The following DYDC2 variants were observed in gnomAD, a reference collection of about 807,000 sequenced individuals.
The protein encoded by DYDC2 is DPY30 domain-containing protein 2.
DYDC2 carries 19 observed loss-of-function variants against 18.7 expected under a neutral mutation model. That is an observed-to-expected ratio of 1.02 (90% CI 0.71 to 1.49). The LOEUF (loss-of-function observed/expected upper bound fraction) is 1.49, where lower values mean the gene tolerates loss of function less well. Ranked by LOEUF, DYDC2 falls within the 40% of genes most tolerant of loss-of-function variation. The pLI is 0.00. For synonymous variants in DYDC2, 63 were observed against 67.6 expected (o/e 0.93, Z 0.34); for missense variants, 179 against 205.1 (o/e 0.87, Z 0.78).
At chr10:80,345,134 T>G (rs7082102) in intron 1 of DYDC2, among the ~76,000 whole-genome samples, 119,217 of 152,088 alleles carry the variant, frequency 0.78, 47,698 homozygotes, top group East Asian at 0.97. Context: ...TTGAATCTAT[T>G]ATGTGTTATT....
chr10:80,346,444 CTTTTTT>C (rs1032729095), intron 1 of DYDC2, among the ~76,000 whole-genome samples: 5,265 of 83,058 alleles, frequency 0.063, 34 homozygotes, highest in Middle Eastern at 0.12. Context: ...TCTTCCCTTT[CTTTTTT>C]TTTTTTTTTT....
Position 80,362,987 on chromosome 10 carries a change from G to A in DYDC2, c.184G>A (p.Asp62Asn). Residue 62 changes from aspartate (D) to asparagine (N), a missense_variant, in exon 4 of 5, where the codon GAC becomes AAC. Asp to Asn is a conservative substitution (Grantham distance 23). Transcript: ENST00000256039. ...GAAGATCCACCTGCAGGAGGAATAT[G>A]ACAGTAGCCTCAAGGAAATGGAAAT... The part of the protein sequence containing the change: ...EKKIHLQEEY[D>N]SSLKEMEMTE... The A allele has an allele frequency of 6.2e-7, 1 of 1,614,026 alleles. No individual in the cohort carries two copies. The highest frequency in any genetic ancestry group is 1.7e-5 in the Admixed American group (1 of 60,006).
intron 1 of DYDC2, among the ~76,000 whole-genome samples, chr10:80,357,681 C>T (rs74145443): frequency 0.025 from 3,845 of 152,250 alleles, 176 homozygotes; most frequent in African/African-American, 0.086. Context: ...AGGCCCAAAC[C>T]CTTGCAGTCT....
At chr10:80,364,239 C>T (rs1843756970) in intron 4 of DYDC2, among the ~76,000 whole-genome samples, 1 of 151,946 alleles carries the variant, frequency 6.6e-6, no homozygotes, top group African/African-American at 2.4e-5. Context: ...TTTTTTAAGC[C>T]TGGATGTCTT....
chr10:80,366,637 T>C (rs746219261), intron 4 of DYDC2, 51 bp from the exon 5 acceptor site: 1 of 1,539,338 alleles, frequency 6.5e-7, no homozygotes, highest in Non-Finnish European at 8.7e-7. Flanking sequence ...ATACATCTTG[T>C]GTGCTTTAGT....
chr10:80,367,009 G>A lies in DYDC2; in HGVS notation c.*58G>A. ...TCTCAAAGCTAGAAGCCAAGAAAATGGCCAGCTAGAACCAAGATTTAAGGG... is the reference window on the plus strand; with the variant it reads ...TCTCAAAGCTAGAAGCCAAGAAAATAGCCAGCTAGAACCAAGATTTAAGGG... On this transcript the variant is annotated 3_prime_UTR_variant, in exon 5 of 5. Transcript: ENST00000256039. 6.5e-7 allele frequency: 1 copy of A among 1,547,396 alleles called. No homozygotes were observed. The highest frequency in any genetic ancestry group is 1.3e-5 in the South Asian group (1 of 77,860).
intron 2 of DYDC2, among the ~76,000 whole-genome samples, chr10:80,360,451 T>C (rs1435554598): frequency 6.6e-6 from 1 of 152,194 alleles, no homozygotes; most frequent in African/African-American, 2.4e-5. Context: ...CACCTGTGAT[T>C]ACATTGTTCC....
intron 1 of DYDC2, among the ~76,000 whole-genome samples, chr10:80,350,695 G>A (rs1207024030): frequency 6.6e-6 from 1 of 152,132 alleles, no homozygotes; most frequent in Non-Finnish European, 1.5e-5. Flanking sequence ...CAAATAATAG[G>A]CTTCTTTCCC....
chr10:80,354,667 C>T (rs768804222), upstream of DYDC2, among the ~76,000 whole-genome samples: 1 of 152,066 alleles, frequency 6.6e-6, no homozygotes, highest in African/African-American at 2.4e-5. Context: ...TAGTGTGGAG[C>T]CGTCATGCAT....
At chr10:80,355,103 AAAAACAGT>A (rs1349494029), upstream of DYDC2, among the ~76,000 whole-genome samples, 1 of 151,786 alleles carries the variant, frequency 6.6e-6, no homozygotes. Flanking sequence ...ACTGAAAAAA[AAAAACAGT>A]AAAATTAACA....
intron 2 of DYDC2, among the ~76,000 whole-genome samples, chr10:80,359,627 C>G (rs578155593): frequency 1.3e-5 from 2 of 152,252 alleles, no homozygotes; most frequent in South Asian, 2.1e-4. Flanking sequence ...GCTGCATGTC[C>G]GGAGCCCCGT....
intron 4 of DYDC2, among the ~76,000 whole-genome samples, chr10:80,363,485 C>T (rs1265594858): frequency 6.7e-6 from 1 of 149,314 alleles, no homozygotes; most frequent in Non-Finnish European, 1.5e-5. Context: ...TCTGGGACTA[C>T]AGGCACATGC....
At chr10:80,350,766 T>C (rs543235960) in intron 1 of DYDC2, among the ~76,000 whole-genome samples, 6 of 152,226 alleles carry the variant, frequency 3.9e-5, no homozygotes, top group Admixed American at 3.3e-4. Context: ...GGTAGAACTA[T>C]GGAAGTGGCT....
At chr10:80,363,129 G>A (rs1054721554) in intron 4 of DYDC2, 56 bp downstream of exon 4, 3 of 1,565,162 alleles carry the variant, frequency 1.9e-6, no homozygotes, top group African/African-American at 2.9e-5. Context: ...ATGGACTCCA[G>A]GAAAGCCACA....
At chr10:80,351,792 G>A (rs1564666260), upstream of DYDC2, 9 of 927,958 alleles carry the variant, frequency 9.7e-6, no homozygotes, top group African/African-American at 1.7e-5. Flanking sequence ...ATATTAGGAA[G>A]CCATATCTAA....
At position 80,357,887 on chromosome 10, in the gene DYDC2, T is replaced by A; in HGVS notation, c.-162-6T>A. ...TCTCAATGAATAAGTCAAGAAATAT[T>A]TACAGAGCTCCCAGTGTGCCAAGCG... On this transcript the variant is annotated splice_polypyrimidine_tract_variant and splice_region_variant and intron_variant, in intron 1 of 4. Transcript: ENST00000256039. The A allele has an allele frequency of 1.0e-6, 1 of 985,332 alleles. No homozygotes were observed. Among genetic ancestry groups the A allele is most frequent in the Non-Finnish European group, 1.2e-6 (1 of 829,928 alleles). 61.0% of individuals were successfully genotyped at this position (985,332 alleles called of 1,614,324 possible). A position where few individuals can be genotyped will look rare whatever the true frequency, so the allele number is the denominator to read the frequency against.
intron 1 of DYDC2, among the ~76,000 whole-genome samples, chr10:80,347,953 T>C (rs1037327159): frequency 2.6e-5 from 4 of 152,216 alleles, no homozygotes; most frequent in African/African-American, 9.6e-5. Context: ...TGTACTTCCA[T>C]ACAAATTTTA....
At chr10:80,351,703 G>A (rs565010600) in intron 1 of DYDC2, among the ~76,000 whole-genome samples, 1 of 152,308 alleles carries the variant, frequency 6.6e-6, no homozygotes, top group African/African-American at 2.4e-5. Flanking sequence ...GTGTATATGT[G>A]TATACAAGAA....
upstream of DYDC2, chr10:80,356,473 C>G: frequency 1.0e-6 from 1 of 985,352 alleles, no homozygotes; most frequent in Non-Finnish European, 1.2e-6. Flanking sequence ...GTTTTCCCAC[C>G]CGGGAGTCTG....
Sources: gnomAD v4.1 joint callset for allele counts (sites outside exome capture counted in the v4.1 genomes callset) on GRCh38, gnomAD v4.1.1 for gene constraint, MANE v1.5 for transcripts, NCBI Gene and HGNC (gene_info 2026-07-23, HGNC 2026-07-21) for gene names.